The following KLC1 variants were observed in gnomAD, a reference collection of about 807,000 sequenced individuals.
The protein encoded by KLC1 is kinesin light chain 1.
In KLC1, 30 loss-of-function variants were observed where a neutral mutation model predicts 84.2. The ratio of observed to expected loss-of-function variants is 0.36; its 90% CI spans 0.27 to 0.48. The LOEUF is 0.48. KLC1 is among the 20% of genes least tolerant of loss of function. The probability of loss-of-function intolerance (pLI) is 0.99; values close to 1 mark genes in which losing one functional copy is unlikely to be tolerated. For missense variants in KLC1, 499 were observed against 805.4 expected (o/e 0.62, Z 4.60); for synonymous variants, 289 against 293.3 (o/e 0.99, Z 0.15).
At chr14:103,638,474 A>T (rs778365386) in intron 1 of KLC1, among the ~76,000 whole-genome samples, 1 of 150,302 alleles carries the variant, frequency 6.7e-6, no homozygotes, top group Non-Finnish European at 1.5e-5. Flanking sequence ...TGCAACTACC[A>T]TCTATCTAAT....
intron 1 of KLC1, among the ~76,000 whole-genome samples, chr14:103,654,094 G>T (rs1162715116): frequency 6.6e-6 from 1 of 152,138 alleles, no homozygotes; most frequent in African/African-American, 2.4e-5. Context: ...CTCCTCCCCT[G>T]CTGCTCTTCC....
chr14:103,692,496 C>A, intron 15 of KLC1, 71 bp downstream of exon 15: 3 of 1,331,054 alleles, frequency 2.3e-6, no homozygotes, highest in Non-Finnish European at 3.1e-6. Context: ...CAGACCCGCA[C>A]TCGGCCCCTG....
chr14:103,670,338 G>GA, intron 7 of KLC1, 55 bp downstream of exon 7: 1 of 1,219,092 alleles, frequency 8.2e-7, no homozygotes, highest in Middle Eastern at 2.4e-4. Context: ...GTGTGTGTGT[G>GA]GTTTTTTTTT....
chr14:103,666,598 C>CTT (rs754602644), intron 5 of KLC1, among the ~76,000 whole-genome samples: 6 of 141,428 alleles, frequency 4.2e-5, no homozygotes, highest in African/African-American at 7.8e-5. Flanking sequence ...TCATTTAATT[C>CTT]TTTTTTTTTT....
intron 14 of KLC1, among the ~76,000 whole-genome samples, chr14:103,691,466 T>G (rs2082108039): frequency 4.1e-5 from 1 of 24,158 alleles, no homozygotes; most frequent in African/African-American, 8.2e-5. Context: ...GGCTTTTTTT[T>G]TTTTTTTTTT....
chr14:103,667,999 A>T (rs2080028750), intron 5 of KLC1, among the ~76,000 whole-genome samples: 1 of 152,242 alleles, frequency 6.6e-6, no homozygotes, highest in African/African-American at 2.4e-5. Flanking sequence ...AACAAAATGG[A>T]GGGAGACTGG....
intron 1 of KLC1, among the ~76,000 whole-genome samples, chr14:103,633,572 C>T (rs79772218): frequency 0.017 from 2,600 of 152,158 alleles, 65 homozygotes; most frequent in African/African-American, 0.055. Context: ...TTGGGGCTGA[C>T]TGGATTGGGG....
intron 8 of KLC1, 49 bp from the exon 9 acceptor site, chr14:103,673,283 T>A (rs772234914): frequency 2.5e-5 from 39 of 1,549,270 alleles, no homozygotes; most frequent in Non-Finnish European, 3.2e-5. Flanking sequence ...AATGTATGCT[T>A]TATTTACATC....
intron 3 of KLC1, among the ~76,000 whole-genome samples, chr14:103,659,072 G>A (rs1272301795): frequency 6.6e-6 from 1 of 152,042 alleles, no homozygotes; most frequent in Non-Finnish European, 1.5e-5. Flanking sequence ...CCACCTCCTG[G>A]GTTCAAGCGA....
intron 12 of KLC1, among the ~76,000 whole-genome samples, chr14:103,677,869 A>G (rs539413940): frequency 6.6e-6 from 1 of 152,140 alleles, no homozygotes; most frequent in South Asian, 2.1e-4. Context: ...CGGGAGGCTG[A>G]GACAGGAGAA....
chr14:103,691,456 G>A lies in KLC1; in HGVS notation c.1782-903G>A, dbSNP rs373744938. ...ATTACAAGCATGAGCCACCACGCCT[G>A]GCTTTTTTTTTTTTTTTTTTTTTTT... On this transcript the variant is annotated intron_variant, in intron 14 of 16. Coordinates refer to ENST00000334553, the MANE Select transcript of KLC1 (RefSeq NM_001394837.1). 1.3e-3 allele frequency among the ~76,000 whole-genome samples: 154 copies of A among 119,720 alleles called. 1 individual carries two copies. Among genetic ancestry groups the A allele is most frequent in the Middle Eastern group, 5.6e-3 (1 of 178 alleles). 78.5% of individuals were successfully genotyped at this position (119,720 alleles called of 152,430 possible).
intron 13 of KLC1, among the ~76,000 whole-genome samples, chr14:103,681,994 GCCACTT>G (rs2081378106): frequency 3.3e-5 from 5 of 152,144 alleles, no homozygotes; most frequent in Non-Finnish European, 7.3e-5. Context: ...TACCACTGTA[GCCACTT>G]ACTTGTGTGC....
intron 9 of KLC1, among the ~76,000 whole-genome samples, chr14:103,674,361 T>C (rs1256494293): frequency 2.0e-5 from 3 of 152,174 alleles, no homozygotes; most frequent in Non-Finnish European, 2.9e-5. Flanking sequence ...GTCTAGAAAC[T>C]TGCGTGAGTG....
intron 7 of KLC1, among the ~76,000 whole-genome samples, chr14:103,672,122 G>A (rs1401900276): frequency 1.3e-5 from 2 of 152,164 alleles, no homozygotes; most frequent in African/African-American, 2.4e-5. Flanking sequence ...GGGCTTCTGC[G>A]GGCCAGAGCC....
At chr14:103,651,023 A>G (rs1431958936) in intron 1 of KLC1, among the ~76,000 whole-genome samples, 1 of 150,068 alleles carries the variant, frequency 6.7e-6, no homozygotes, top group Non-Finnish European at 1.5e-5. Context: ...TTATTTATTT[A>G]TTTAGTGATG....
At chr14:103,697,729 T>G (rs951675055) in intron 15 of KLC1, 1 of 152,296 alleles carries the variant, frequency 6.6e-6, no homozygotes, top group Non-Finnish European at 1.5e-5. Context: ...GGGTCACCAC[T>G]GTGCCCATGG....
chr14:103,676,746 C>G (rs976620931), intron 11 of KLC1, among the ~76,000 whole-genome samples: 3 of 152,200 alleles, frequency 2.0e-5, no homozygotes, highest in African/African-American at 7.2e-5. Flanking sequence ...GAACAGAACT[C>G]TCTCGAAGTA....
intron 1 of KLC1, among the ~76,000 whole-genome samples, chr14:103,630,030 C>T (rs943043936): frequency 6.6e-6 from 1 of 152,240 alleles, no homozygotes; most frequent in African/African-American, 2.4e-5. Flanking sequence ...ACGCGCCTGT[C>T]ATTCTCGCGG....
At chr14:103,696,362 A>G in intron 15 of KLC1, 2 of 985,392 alleles carry the variant, frequency 2.0e-6, no homozygotes, top group Non-Finnish European at 2.4e-6. Context: ...TTGTGTTTAC[A>G]GTATTGGAGG....
Sources: allele counts gnomAD v4.1 joint callset (sites outside exome capture counted in the v4.1 genomes callset), GRCh38; gene constraint gnomAD v4.1.1; transcripts MANE v1.5; gene names NCBI Gene and HGNC (gene_info 2026-07-23, HGNC 2026-07-21).